The following GABRB3 variants were observed in gnomAD, a reference collection of about 807,000 sequenced individuals.
The protein encoded by GABRB3 is gamma-aminobutyric acid receptor subunit beta-3.
Under a neutral mutation model 52.1 loss-of-function variants are expected in GABRB3, and 14 were observed. The ratio of observed to expected loss-of-function variants is 0.27; its 90% CI spans 0.18 to 0.42. The LOEUF is 0.42. Among genes scored for constraint, GABRB3 ranks in the 10% least tolerant of loss-of-function variants. GABRB3 has a pLI of 1.00. For synonymous variants in GABRB3, 260 were observed against 232.3 expected (o/e 1.12, Z -1.08); for missense variants, 307 against 609.1 (o/e 0.50, Z 5.22).
chr15:26,735,412 TG>T (rs1890039168), intron 3 of GABRB3, among the ~76,000 whole-genome samples: 1 of 152,182 alleles, frequency 6.6e-6, no homozygotes. Flanking sequence ...ACTCCACTTC[TG>T]GGAATCCCAC....
chr15:26,756,502 C>T (rs1595349842), intron 3 of GABRB3, among the ~76,000 whole-genome samples: 2 of 152,006 alleles, frequency 1.3e-5, no homozygotes, highest in African/African-American at 4.8e-5. Flanking sequence ...CACTTGAGCG[C>T]AGGAGGCAGA....
At position 26,772,143 on chromosome 15, in the gene GABRB3, G is replaced by A. The variant is rs184297289; in HGVS notation, c.240+259C>T. ...GGGAGCCCACGGGCAGCGGCAGATG[G>A]GAGCACTAGGCCGGCCAGGACTCCC... On this transcript the variant is annotated intron_variant, in intron 3 of 8. Transcript: ENST00000311550. The A allele has an allele frequency of 2.0e-3, 781 of 399,418 alleles. 5 individuals carry two copies. The highest frequency in any genetic ancestry group is 2.5e-3 in the East Asian group (56 of 22,028). 24.7% of individuals were successfully genotyped at this position (399,418 alleles called of 1,614,324 possible). A position where few individuals can be genotyped will look rare whatever the true frequency, so the allele number is the denominator to read the frequency against.
intron 3 of GABRB3, among the ~76,000 whole-genome samples, chr15:26,649,048 C>G (rs973676646): frequency 3.3e-5 from 5 of 152,008 alleles, no homozygotes; most frequent in African/African-American, 1.2e-4. Flanking sequence ...AGGGAGGCAG[C>G]AGAACCATCT....
chr15:26,633,552 G>C (rs1334195604), intron 3 of GABRB3, among the ~76,000 whole-genome samples: 1 of 152,228 alleles, frequency 6.6e-6, no homozygotes, highest in South Asian at 2.1e-4. Flanking sequence ...CTCCATCTTG[G>C]TTCTTTCACC....
chr15:26,662,852 T>G (rs1282291699), intron 3 of GABRB3, among the ~76,000 whole-genome samples: 3 of 152,226 alleles, frequency 2.0e-5, no homozygotes, highest in African/African-American at 7.2e-5. Context: ...GTTAGCATTC[T>G]TCATTTGCTT....
At chr15:26,595,157 A>G (rs1891350358) in intron 4 of GABRB3, among the ~76,000 whole-genome samples, 1 of 152,104 alleles carries the variant, frequency 6.6e-6, no homozygotes, top group African/African-American at 2.4e-5. Context: ...CTCCCAACCC[A>G]GGCATCTTTA....
chr15:26,728,217 A>C (rs1315474929), intron 3 of GABRB3, among the ~76,000 whole-genome samples: 1 of 152,168 alleles, frequency 6.6e-6, no homozygotes, highest in Non-Finnish European at 1.5e-5. Context: ...AACTGTATCA[A>C]TGAGACCAAA....
At chr15:26,772,188 T>C (rs2140198646) in intron 3 of GABRB3, 1 of 475,356 alleles carries the variant, frequency 2.1e-6, no homozygotes, top group Non-Finnish European at 3.7e-6. Flanking sequence ...GGGTGCGCCC[T>C]CGCGGCTCCG....
At chr15:26,617,974 C>T (rs1403441009) in intron 4 of GABRB3, among the ~76,000 whole-genome samples, 1 of 152,000 alleles carries the variant, frequency 6.6e-6, no homozygotes, top group African/African-American at 2.4e-5. Flanking sequence ...TGAAGGACCT[C>T]TTCAAGGAGA....
chr15:26,632,600 G>A (rs1397245184), intron 3 of GABRB3, among the ~76,000 whole-genome samples: 1 of 152,158 alleles, frequency 6.6e-6, no homozygotes, highest in Non-Finnish European at 1.5e-5. Context: ...TTCAACCTAA[G>A]CCAATGAGAA....
chr15:26,595,375 C>A lies in GABRB3; in HGVS notation c.462-11961G>T, dbSNP rs149291431. Among the ~76,000 whole-genome samples, 296 of 152,236 alleles carry A rather than the reference C, an allele frequency of 1.9e-3. 6 individuals are homozygous for A. The East Asian group carries it at 0.036, about 19-fold the overall frequency. The stretch of plus-strand genomic sequence containing the variant: ...GGGAGCACTGGGAACTAGGCTGCTG[C>A]CTGCTCAAAACCAAAACAACCCCTG... On this transcript the variant is annotated intron_variant, in intron 4 of 8. Coordinates refer to ENST00000311550, the MANE Select transcript of GABRB3 (RefSeq NM_000814.6).
chr15:26,622,520 A>G (rs548327808), intron 3 of GABRB3, among the ~76,000 whole-genome samples: 83 of 152,288 alleles, frequency 5.5e-4, no homozygotes, highest in African/African-American at 1.9e-3. Flanking sequence ...CACGGAGGGG[A>G]AAAAATCGCT....
intron 5 of GABRB3, 194 bp from the exon 6 acceptor site, chr15:26,580,650 G>T: frequency 1.3e-6 from 1 of 754,518 alleles, no homozygotes; most frequent in Non-Finnish European, 2.2e-6. Context: ...CATTTTATTT[G>T]TACCAGGTTG....
intron 3 of GABRB3, among the ~76,000 whole-genome samples, chr15:26,697,713 C>A (rs1169383813): frequency 6.6e-6 from 1 of 152,140 alleles, no homozygotes; most frequent in Non-Finnish European, 1.5e-5. Context: ...ACTGCAATAT[C>A]TCTTTATATC....
chr15:26,678,846 G>C (rs898785188), intron 3 of GABRB3, among the ~76,000 whole-genome samples: 8 of 152,156 alleles, frequency 5.3e-5, no homozygotes, highest in Non-Finnish European at 1.2e-4. Context: ...ACCTCACTGA[G>C]GCTGAGTTCA....
chr15:26,674,451 G>GGAAAGGAAAGGAAAA (rs1888003388), intron 3 of GABRB3, among the ~76,000 whole-genome samples: 4 of 107,804 alleles, frequency 3.7e-5, no homozygotes, highest in African/African-American at 1.2e-4. Context: ...GGAAAGGAAA[G>GGAAAGGAAAGGAAAA]GAAAAGAAAA....
intron 3 of GABRB3, among the ~76,000 whole-genome samples, chr15:26,753,110 C>T (rs1330407271): frequency 6.6e-6 from 1 of 152,212 alleles, no homozygotes; most frequent in Non-Finnish European, 1.5e-5. Flanking sequence ...TCTGAGCTAA[C>T]TTCTGAGCTG....
chr15:26,551,093 A>G (rs1266745551), intron 8 of GABRB3, among the ~76,000 whole-genome samples: 1 of 152,226 alleles, frequency 6.6e-6, no homozygotes. Context: ...CACTGTCATT[A>G]TCACTTTCGT....
intron 4 of GABRB3, among the ~76,000 whole-genome samples, chr15:26,583,649 T>G (rs1890868740): frequency 6.6e-6 from 1 of 152,084 alleles, no homozygotes; most frequent in African/African-American, 2.4e-5. Context: ...TATTATATAT[T>G]TTTAATCATT....
Sources: allele counts gnomAD v4.1 joint callset (sites outside exome capture counted in the v4.1 genomes callset), GRCh38; gene constraint gnomAD v4.1.1; transcripts MANE v1.5; gene names NCBI Gene and HGNC (gene_info 2026-07-23, HGNC 2026-07-21).